Variants in TMEM178B observed in about 807,000 individuals in gnomAD.
The protein encoded by TMEM178B is transmembrane protein 178B.
In TMEM178B, 5 loss-of-function variants were observed where a neutral mutation model predicts 31.0. The ratio of observed to expected loss-of-function variants is 0.16; its 90% confidence interval spans 0.08 to 0.34. The LOEUF (loss-of-function observed/expected upper bound fraction) is 0.34, where lower values mean the gene tolerates loss of function less well. Among genes scored for constraint, TMEM178B ranks in the 10% least tolerant of loss-of-function variants. TMEM178B has a pLI of 1.00. For synonymous variants in TMEM178B, 164 were observed against 164.0 expected (o/e 1.00, Z 0.00); for missense variants, 275 against 400.3 (o/e 0.69, Z 2.67).
At chr7:141,366,464 G>T (rs1800006571) in intron 2 of TMEM178B, among the ~76,000 whole-genome samples, 1 of 152,184 alleles carries the variant, frequency 6.6e-6, no homozygotes, top group Admixed American at 6.5e-5. Flanking sequence ...ATTTCCTTGT[G>T]TTTAAGGCCT....
chr7:141,285,656 G>T (rs1017231738), intron 2 of TMEM178B, among the ~76,000 whole-genome samples: 3 of 152,052 alleles, frequency 2.0e-5, no homozygotes, highest in African/African-American at 7.2e-5. Flanking sequence ...TATGTTTATT[G>T]CAGCACTATT....
chr7:141,431,631 T>C (rs574292819), intron 2 of TMEM178B, among the ~76,000 whole-genome samples: 4 of 152,228 alleles, frequency 2.6e-5, no homozygotes, highest in Admixed American at 6.5e-5. Flanking sequence ...TCTTGGCCTT[T>C]GCCTGCAGAG....
chr7:141,342,527 C>T (rs960900254), intron 2 of TMEM178B, among the ~76,000 whole-genome samples: 7 of 152,178 alleles, frequency 4.6e-5, no homozygotes, highest in African/African-American at 1.7e-4. Context: ...TCCTTCCAGC[C>T]GAGGTCTTCC....
chr7:141,135,907 C>A (rs1171125667), intron 1 of TMEM178B, among the ~76,000 whole-genome samples: 1 of 151,570 alleles, frequency 6.6e-6, no homozygotes, highest in African/African-American at 2.4e-5. Flanking sequence ...TACAAAGGAT[C>A]AGTGAAATGA....
intron 2 of TMEM178B, among the ~76,000 whole-genome samples, chr7:141,295,212 C>G (rs1586876395): frequency 1.3e-5 from 2 of 152,140 alleles, no homozygotes; most frequent in East Asian, 1.9e-4. Flanking sequence ...TATCCAGATT[C>G]CAGAAACCTG....
chr7:141,313,170 G>A (rs1798943211), intron 2 of TMEM178B, among the ~76,000 whole-genome samples: 1 of 152,186 alleles, frequency 6.6e-6, no homozygotes, highest in Admixed American at 6.5e-5. Flanking sequence ...TCAGAAAAAA[G>A]TGAAACAGCA....
intron 2 of TMEM178B, among the ~76,000 whole-genome samples, chr7:141,385,102 T>G (rs1192925265): frequency 6.6e-6 from 1 of 152,210 alleles, no homozygotes; most frequent in Non-Finnish European, 1.5e-5. Flanking sequence ...CATCAAAACT[T>G]AAATGTATGT....
intron 1 of TMEM178B, among the ~76,000 whole-genome samples, chr7:141,156,321 A>G (rs1032423223): frequency 6.6e-6 from 1 of 152,204 alleles, no homozygotes; most frequent in Non-Finnish European, 1.5e-5. Context: ...CCATGATTAT[A>G]AGAATTTTTA....
intron 1 of TMEM178B, among the ~76,000 whole-genome samples, chr7:141,153,084 GAC>G (rs1230384132): frequency 2.0e-5 from 3 of 152,202 alleles, no homozygotes; most frequent in Non-Finnish European, 4.4e-5. Context: ...TCAGATGAAA[GAC>G]ACATGCTTTC....
Position 141,074,356 on chromosome 7 carries a change from C to T in TMEM178B, c.46C>T (p.Leu16Phe). Residue 16 changes from leucine (L) to phenylalanine (F), a missense_variant, in exon 1 of 4, where the codon CTC (leucine) becomes TTC (phenylalanine). By Grantham distance (22) the Leu-to-Phe change is conservative (BLOSUM62 0). Transcript: ENST00000565468. The surrounding 1 kb of genome is among the most constrained non-coding windows in gnomAD (Gnocchi z 5.1). Reference sequence around the variant, plus strand: ...GCTCTACACTGGCCTCTCGCTAGCGCTCTGCGCCCTCGGCATGCTGGCCGT... The same window carrying T: ...GCTCTACACTGGCCTCTCGCTAGCGTTCTGCGCCCTCGGCATGCTGGCCGT... ...LLLYTGLSLA[L>F]CALGMLAVAI... 6.5e-7 allele frequency: 1 copy of T among 1,536,092 alleles called. No homozygotes were observed. Among genetic ancestry groups the T allele is most frequent in the Non-Finnish European group, 8.7e-7 (1 of 1,146,856 alleles).
chr7:141,376,790 A>G (rs969274540), intron 2 of TMEM178B, among the ~76,000 whole-genome samples: 2 of 152,194 alleles, frequency 1.3e-5, no homozygotes, highest in Admixed American at 1.3e-4. Context: ...AATCAGGGTC[A>G]ATGGGGAGGA....
chr7:141,085,669 A>T (rs1794772238), intron 1 of TMEM178B, among the ~76,000 whole-genome samples: 1 of 151,462 alleles, frequency 6.6e-6, no homozygotes, highest in Non-Finnish European at 1.5e-5. Context: ...TCATCTTTAT[A>T]ATAGTGATTC....
chr7:141,431,817 A>G (rs905369076), intron 2 of TMEM178B, among the ~76,000 whole-genome samples: 11 of 152,210 alleles, frequency 7.2e-5, no homozygotes, highest in African/African-American at 2.7e-4. Context: ...CCTGAGTACA[A>G]AATACTGCTG....
chr7:141,450,155 C>T (rs990324910), intron 3 of TMEM178B, among the ~76,000 whole-genome samples: 1 of 152,186 alleles, frequency 6.6e-6, no homozygotes, highest in Non-Finnish European at 1.5e-5. Flanking sequence ...TTTCTCATAC[C>T]TTGTGTCTTG....
rs140153430 is a variant in TMEM178B, at chr7:141,215,428, C to T, written c.496+2724C>T. 9.1e-3 allele frequency among the ~76,000 whole-genome samples: 1,380 copies of T among 151,638 alleles called. 8 individuals carry two copies. The highest frequency in any genetic ancestry group is 0.013 in the Non-Finnish European group (884 of 67,928). Reference sequence around the variant, plus strand: ...GAAACCTCTGGCTCCTGGGTTCATGCGATTCTCCTGCCTCAGCCTCCTGAG... The same window carrying T: ...GAAACCTCTGGCTCCTGGGTTCATGTGATTCTCCTGCCTCAGCCTCCTGAG... On this transcript the variant is annotated intron_variant, in intron 2 of 3. Coordinates refer to ENST00000565468, the MANE Select transcript of TMEM178B (RefSeq NM_001195278.2).
intron 2 of TMEM178B, among the ~76,000 whole-genome samples, chr7:141,366,422 C>T (rs910077663): frequency 6.6e-6 from 1 of 152,218 alleles, no homozygotes; most frequent in Non-Finnish European, 1.5e-5. Flanking sequence ...TGCTGACTCC[C>T]TGACTTGGTT....
At chr7:141,168,584 C>T (rs751754899) in intron 1 of TMEM178B, among the ~76,000 whole-genome samples, 11 of 152,052 alleles carry the variant, frequency 7.2e-5, no homozygotes, top group Non-Finnish European at 1.6e-4. Flanking sequence ...CGAGCCTGGC[C>T]AACATGGTGA....
intron 1 of TMEM178B, among the ~76,000 whole-genome samples, chr7:141,141,012 C>A (rs1207993333): frequency 6.6e-6 from 1 of 152,156 alleles, no homozygotes; most frequent in East Asian, 1.9e-4. Context: ...CACAGCCCAC[C>A]CTAAGGAGTT....
intron 1 of TMEM178B, among the ~76,000 whole-genome samples, chr7:141,186,501 T>A (rs1400343584): frequency 6.6e-6 from 1 of 152,202 alleles, no homozygotes; most frequent in African/African-American, 2.4e-5. Flanking sequence ...CCTCCTGCCT[T>A]AACCTACATT....
Sources: allele counts gnomAD v4.1 joint callset (sites outside exome capture counted in the v4.1 genomes callset), GRCh38; gene constraint gnomAD v4.1.1; non-coding constraint Gnocchi (gnomAD v3.1); transcripts MANE v1.5; gene names NCBI Gene and HGNC (gene_info 2026-07-23, HGNC 2026-07-21).